DOCK8: variants seen among roughly 807,000 people sequenced by gnomAD.
DOCK8 encodes dedicator of cytokinesis 8, also known as dedicator of cytokinesis protein 8.
In DOCK8, 141 loss-of-function variants were observed where a neutral mutation model predicts 245.6. The observed-to-expected ratio is 0.57, with a 90% CI of 0.50 to 0.66. The LOEUF is 0.66. DOCK8 is among the 30% of genes least tolerant of loss of function. DOCK8 has a pLI of 0.00. For missense variants in DOCK8, 2,965 were observed against 2,603.4 expected, an observed-to-expected ratio of 1.14 and a Z score of -3.02; for synonymous variants, 1,168 against 970.2, an observed-to-expected ratio of 1.20 and a Z score of -3.79.
chr9:354,227 G>A (rs2052317470), intron 14 of DOCK8, among the ~76,000 whole-genome samples: 1 of 152,140 alleles, frequency 6.6e-6, no homozygotes, highest in African/African-American at 2.4e-5. Flanking sequence ...AGCTACTCGG[G>A]AGGCTGAGGC....
At chr9:350,082 A>G (rs1474686483) in intron 14 of DOCK8, among the ~76,000 whole-genome samples, 3 of 152,216 alleles carry the variant, frequency 2.0e-5, no homozygotes, top group African/African-American at 4.8e-5. Context: ...GCTCATCGCA[A>G]ACTTGGAGTT....
At chr9:261,033 C>T (rs972311468) in intron 1 of DOCK8, among the ~76,000 whole-genome samples, 1 of 148,590 alleles carries the variant, frequency 6.7e-6, no homozygotes, top group Non-Finnish European at 1.5e-5. Context: ...TTGTAGTGAG[C>T]GGAGATCGTG....
intron 5 of DOCK8, among the ~76,000 whole-genome samples, chr9:311,281 T>C (rs1320487225): frequency 7.2e-6 from 1 of 138,800 alleles, no homozygotes; most frequent in Admixed American, 7.5e-5. Flanking sequence ...CAAGACTCGG[T>C]CTTTAAAAAA....
intron 25 of DOCK8, among the ~76,000 whole-genome samples, chr9:397,792 T>A (rs530873419): frequency 6.6e-6 from 1 of 152,298 alleles, no homozygotes; most frequent in Admixed American, 6.5e-5. Flanking sequence ...CATTCTCAAA[T>A]GGTTCAGAAA....
At position 447,375 on chromosome 9, in the gene DOCK8, C is replaced by A. The variant is rs147973322; in HGVS notation, c.5817+769C>A. On this transcript the variant is annotated intron_variant, in intron 44 of 47. Transcript: ENST00000432829. ...TGTGGGTTTGCTGATCACAATTCAG[C>A]ATTTTCTTTTATAAACCACACCCGT... Among the ~76,000 whole-genome samples the A allele has an allele frequency of 2.5e-3, 388 of 152,244 alleles. 4 individuals carry two copies. Among genetic ancestry groups the A allele is most frequent in the African/African-American group, 9.0e-3 (375 of 41,546 alleles).
chr9:336,182 C>T (rs939580364), intron 11 of DOCK8, among the ~76,000 whole-genome samples: 2 of 152,198 alleles, frequency 1.3e-5, no homozygotes, highest in African/African-American at 4.8e-5. Flanking sequence ...TCACAAATGC[C>T]TTCAGGGGCA....
At chr9:411,213 G>T (rs565731908) in intron 28 of DOCK8, among the ~76,000 whole-genome samples, 12 of 152,210 alleles carry the variant, frequency 7.9e-5, no homozygotes. Flanking sequence ...AAGAGTTCAA[G>T]ACCAGCCTGG....
intron 33 of DOCK8, 148 bp from the exon 34 acceptor site, chr9:426,737 A>G: frequency 1.4e-6 from 1 of 702,154 alleles, no homozygotes; most frequent in Non-Finnish European, 2.6e-6. Context: ...AGGCACCTGC[A>G]CTGTAGTTAC....
Position 370,276 on chromosome 9 carries a change from A to G in DOCK8, c.1844A>G (p.Tyr615Cys), listed in dbSNP as rs967066213. 6 of 1,614,082 alleles carry G rather than the reference A, an allele frequency of 3.7e-6. No individual in the cohort carries two copies. The Admixed American group carries it at 1.0e-4, about 27-fold the overall frequency. ...SSGPEFLQEVYTAVTYHNKSP... is the reference protein window; with the variant it reads ...SSGPEFLQEVCTAVTYHNKSP... ...GGGCCTGAATTTCTGCAGGAAGTGTACACAGCTGTTACATACCATAATAAG... is the reference window on the plus strand; with the variant it reads ...GGGCCTGAATTTCTGCAGGAAGTGTGCACAGCTGTTACATACCATAATAAG... The change falls in exon 16 of 48, where the codon TAC (tyrosine) becomes TGC (cysteine). Residue 615 changes from tyrosine (Y) to cysteine (C), a missense_variant. Around this residue, in one of 3 missense-constraint regions of DOCK8, gnomAD observed 2,825 missense variants for 2,453.5 expected, o/e 1.15. Coordinates refer to ENST00000432829, the MANE Select transcript of DOCK8 (RefSeq NM_203447.4).
chr9:271,637 G>C lies in DOCK8; in HGVS notation c.64G>C (p.Ala22Pro). The C allele has an allele frequency of 6.5e-7, 1 of 1,548,652 alleles. No homozygotes were observed. The highest frequency in any genetic ancestry group is 1.2e-5 in the South Asian group (1 of 83,962). ...CTATTTTAATCCAAGGTATTCTTCAGCGGAAATAAGGAAACAGTTTACTCT... is the reference window on the plus strand; with the variant it reads ...CTATTTTAATCCAAGGTATTCTTCACCGGAAATAAGGAAACAGTTTACTCT... ...FALKINRYSS[A>P]EIRKQFTLPP... Residue 22 changes from alanine (A) to proline (P), a missense_variant, in exon 2 of 48, where the codon GCG becomes CCG. Physicochemically the swap from Ala to Pro is conservative, Grantham distance 27. Around this residue, in one of 3 missense-constraint regions of DOCK8, gnomAD observed 2,825 missense variants for 2,453.5 expected, o/e 1.15. Transcript: ENST00000432829.
rs1165775428 is a variant in DOCK8 at position 307,338 on chromosome 9, G to GTTTTTTTT, written c.528+2665_528+2672dup. Among the ~76,000 whole-genome samples, 92 of 51,186 alleles carry GTTTTTTTT rather than the reference G, an allele frequency of 1.8e-3. 2 individuals are homozygous for GTTTTTTTT. Among genetic ancestry groups the GTTTTTTTT allele is most frequent in the South Asian group, 2.2e-3 (3 of 1,378 alleles). 33.6% of individuals were successfully genotyped at this position (51,186 alleles called of 152,430 possible). A position where few individuals can be genotyped will look rare whatever the true frequency, so the allele number is the denominator to read the frequency against. ...CACTGTGTTGTGTGTGGTTTTTTTT[G>GTTTTTTTT]TTTTTTTTTTTTTTTTTTTTTTTTT... is the stretch of plus-strand genomic sequence containing the variant. On this transcript the variant is annotated intron_variant, in intron 5 of 47. Coordinates refer to ENST00000432829, the MANE Select transcript of DOCK8 (RefSeq NM_203447.4).
intron 14 of DOCK8, among the ~76,000 whole-genome samples, chr9:367,559 C>G (rs915617243): frequency 2.6e-5 from 4 of 152,066 alleles, no homozygotes; most frequent in Admixed American, 6.5e-5. Flanking sequence ...TAGATAAGAA[C>G]AGAAAGCTAA....
At chr9:250,325 G>C (rs1383559419) in intron 1 of DOCK8, among the ~76,000 whole-genome samples, 1 of 152,256 alleles carries the variant, frequency 6.6e-6, no homozygotes, top group South Asian at 2.1e-4. Flanking sequence ...TTCCATGTGA[G>C]CTAAATGAGT....
In DOCK8 at chr9:344,525, A is replaced by C. The variant is rs2051774505; in HGVS notation, c.1679+4204A>C. 4.0e-5 allele frequency among the ~76,000 whole-genome samples: 6 copies of C among 150,990 alleles called. No individual in the cohort carries two copies. In the South Asian group the frequency reaches 1.3e-3, roughly 32 times the overall value. ...ATCGAGTGAGGTCTGAACCCCAGGT[A>C]AAATTGGCAAGCTGACTAAGTTCGC... On this transcript the variant is annotated intron_variant, in intron 14 of 47. Coordinates refer to ENST00000432829, the MANE Select transcript of DOCK8 (RefSeq NM_203447.4).
intron 1 of DOCK8, among the ~76,000 whole-genome samples, chr9:258,592 C>CTTTTTTT (rs540266063): frequency 2.0e-5 from 2 of 100,296 alleles, no homozygotes; most frequent in Non-Finnish European, 3.8e-5. Flanking sequence ...TGAAGAGACT[C>CTTTTTTT]TTTTTTTTTT....
At chr9:374,641 T>C (rs1407944698) in intron 18 of DOCK8, among the ~76,000 whole-genome samples, 3 of 151,276 alleles carry the variant, frequency 2.0e-5, no homozygotes, top group Admixed American at 6.6e-5. Context: ...TTTTTTTTTT[T>C]TTTCATTAGA....
intron 46 of DOCK8, among the ~76,000 whole-genome samples, chr9:454,991 T>C (rs779218965): frequency 3.3e-5 from 5 of 152,216 alleles, no homozygotes; most frequent in Admixed American, 1.3e-4. Flanking sequence ...GCTATCATTC[T>C]CCCCAGATGG....
intron 1 of DOCK8, among the ~76,000 whole-genome samples, chr9:229,535 G>C (rs986778942): frequency 1.3e-5 from 2 of 152,130 alleles, no homozygotes; most frequent in Non-Finnish European, 2.9e-5. Flanking sequence ...GAGTATCAGA[G>C]AGAGAAGGTG....
chr9:424,891 T>C (rs573224979), intron 33 of DOCK8, among the ~76,000 whole-genome samples: 3 of 152,242 alleles, frequency 2.0e-5, no homozygotes, highest in Non-Finnish European at 2.9e-5. Context: ...AGATTTGTGC[T>C]GTCCAATACA....
Sources: gnomAD v4.1 joint callset for allele counts (sites outside exome capture counted in the v4.1 genomes callset) on GRCh38, gnomAD v4.1.1 for gene constraint, gnomAD v4.1.1 regional missense constraint, MANE v1.5 for transcripts, NCBI Gene and HGNC (gene_info 2026-07-23, HGNC 2026-07-21) for gene names.